Variants in HACD2 observed in about 807,000 individuals in gnomAD.
HACD2 encodes very-long-chain (3R)-3-hydroxyacyl-CoA dehydratase 2.
In HACD2, 15 loss-of-function variants were observed where a neutral mutation model predicts 31.0. The ratio of observed to expected loss-of-function variants is 0.48; its 90% CI spans 0.32 to 0.75. HACD2 has a LOEUF of 0.75. Among genes scored for constraint, HACD2 ranks in the 30% least tolerant of loss-of-function variants. The probability of loss-of-function intolerance (pLI) is 0.03; values close to 1 mark genes in which losing one functional copy is unlikely to be tolerated. For missense variants in HACD2, 283 were observed against 313.0 expected (o/e 0.90, Z 0.72); for synonymous variants, 115 against 122.2 (o/e 0.94, Z 0.39).
intron 3 of HACD2, among the ~76,000 whole-genome samples, chr3:123,537,741 A>G (rs1039105904): frequency 2.0e-5 from 3 of 152,276 alleles, no homozygotes; most frequent in African/African-American, 7.2e-5. Context: ...TGTGAAGAGA[A>G]TGCTCTCTGG....
intron 6 of HACD2, among the ~76,000 whole-genome samples, chr3:123,497,591 G>A: frequency 6.6e-6 from 1 of 152,160 alleles, no homozygotes; most frequent in East Asian, 1.9e-4. Context: ...CCTCATCAAT[G>A]TATCTTGCCC....
At chr3:123,580,149 A>G (rs1229256884) in intron 2 of HACD2, among the ~76,000 whole-genome samples, 1 of 151,450 alleles carries the variant, frequency 6.6e-6, no homozygotes, top group Non-Finnish European at 1.5e-5. Context: ...CCTGGGCAAC[A>G]GAGTAAGGCC....
chr3:123,528,574 A>G, intron 3 of HACD2, 100 bp from the exon 4 acceptor site: 2 of 771,506 alleles, frequency 2.6e-6, no homozygotes, highest in Admixed American at 4.2e-5. Flanking sequence ...TAGAGTCAAA[A>G]CGGTCTTGAG....
chr3:123,510,932 GTTTTTTTTTT>G (rs67094405), intron 4 of HACD2, among the ~76,000 whole-genome samples: 1 of 142,606 alleles, frequency 7.0e-6, no homozygotes, highest in African/African-American at 2.6e-5. Context: ...CATTTGCTGT[GTTTTTTTTTT>G]TTGTTTTTTT....
At chr3:123,523,386 C>T (rs1235496962) in intron 4 of HACD2, among the ~76,000 whole-genome samples, 1 of 152,174 alleles carries the variant, frequency 6.6e-6, no homozygotes, top group East Asian at 1.9e-4. Context: ...TGCTGGAGAC[C>T]TTGAGTTCTC....
At position 123,493,324 on chromosome 3, in the gene HACD2, C is replaced by A. The variant is rs950214644; in HGVS notation, c.*1564G>T. ...TGAGCTGAGATCGCGCCACTGCACT[C>A]CAGCCTGGGCAACAGAGCGAGACTC... On this transcript the variant is annotated 3_prime_UTR_variant, in exon 7 of 7. Transcript: ENST00000383657. 1 of 152,182 alleles carries A rather than the reference C, an allele frequency of 6.6e-6. No homozygotes were observed. Among genetic ancestry groups the A allele is most frequent in the Non-Finnish European group, 1.5e-5 (1 of 68,034 alleles). 9.4% of individuals were successfully genotyped at this position (152,182 alleles called of 1,614,324 possible). A position where few individuals can be genotyped will look rare whatever the true frequency, so the allele number is the denominator to read the frequency against.
chr3:123,506,550 C>A (rs1211468819), intron 4 of HACD2, among the ~76,000 whole-genome samples: 3 of 152,190 alleles, frequency 2.0e-5, no homozygotes, highest in Non-Finnish European at 2.9e-5. Context: ...CCACCTCAGT[C>A]TCAAGAGTAG....
chr3:123,520,792 T>C (rs150571371), intron 4 of HACD2, among the ~76,000 whole-genome samples: 12 of 152,320 alleles, frequency 7.9e-5, no homozygotes, highest in African/African-American at 2.2e-4. Context: ...CTTGACAACA[T>C]AGTTTAAACA....
intron 3 of HACD2, among the ~76,000 whole-genome samples, chr3:123,528,722 T>C (rs1210562190): frequency 6.6e-6 from 1 of 152,154 alleles, no homozygotes; most frequent in Non-Finnish European, 1.5e-5. Flanking sequence ...TTCTTAAACC[T>C]CTCAAAACCA....
intron 2 of HACD2, among the ~76,000 whole-genome samples, chr3:123,572,497 G>A (rs528400491): frequency 2.8e-4 from 42 of 152,232 alleles, no homozygotes; most frequent in Non-Finnish European, 4.9e-4. Context: ...AACAGAGCAA[G>A]ACCCTGTCTC....
intron 5 of HACD2, among the ~76,000 whole-genome samples, chr3:123,501,530 G>C (rs1282022088): frequency 2.0e-5 from 3 of 152,218 alleles, no homozygotes; most frequent in African/African-American, 7.2e-5. Context: ...AATCTCTGAA[G>C]TGGAAGGGAA....
At chr3:123,536,345 C>T (rs1166169109) in intron 3 of HACD2, among the ~76,000 whole-genome samples, 1 of 152,282 alleles carries the variant, frequency 6.6e-6, no homozygotes, top group East Asian at 1.9e-4. Context: ...GGTAATACCT[C>T]TATCAGAGCA....
At chr3:123,573,314 T>C (rs977870983) in intron 2 of HACD2, among the ~76,000 whole-genome samples, 2 of 152,212 alleles carry the variant, frequency 1.3e-5, no homozygotes, top group Non-Finnish European at 2.9e-5. Context: ...AATGAATATA[T>C]AGTACTTATT....
rs563998127 is a variant in HACD2 at position 123,585,011 on chromosome 3, G to A, written c.17C>T (p.Ala6Val). 5.2e-5 allele frequency: 79 copies of A among 1,505,014 alleles called. No homozygotes were observed. The African/African-American group carries it at 8.8e-4, about 17-fold the overall frequency. The allele number at this position is 1,505,014 out of a possible 1,614,324, so 93.2% of individuals were successfully genotyped here. MAAVA[A>V]TAAAKGNGGG... ...CCCATTCCCCTTCGCTGCTGCAGTC[G>A]CCGCCACTGCCGCCATGTCAAGTGC... Residue 6 changes from alanine to valine, a missense_variant, in exon 1 of 7, where the codon GCG becomes GTG. This residue lies in a region of HACD2 where 158 missense variants were observed against 148.3 expected (regional missense o/e 1.07). Coordinates refer to ENST00000383657, the MANE Select transcript of HACD2 (RefSeq NM_198402.5).
At chr3:123,556,183 T>C (rs2056670658) in intron 3 of HACD2, among the ~76,000 whole-genome samples, 1 of 152,036 alleles carries the variant, frequency 6.6e-6, no homozygotes, top group South Asian at 2.1e-4. Context: ...ATGCCTGTAA[T>C]TCCAGCACTT....
intron 3 of HACD2, among the ~76,000 whole-genome samples, chr3:123,528,972 C>A (rs1037274797): frequency 1.3e-5 from 2 of 150,914 alleles, no homozygotes; most frequent in East Asian, 3.9e-4. Context: ...ATTTTGCCAA[C>A]AAGCATAACA....
chr3:123,574,639 T>C (rs1369405770), intron 2 of HACD2, among the ~76,000 whole-genome samples: 1 of 152,102 alleles, frequency 6.6e-6, no homozygotes, highest in African/African-American at 2.4e-5. Flanking sequence ...TTCATCTTGT[T>C]TTCAATTACA....
At chr3:123,572,313 C>T (rs2056863339) in intron 2 of HACD2, among the ~76,000 whole-genome samples, 1 of 152,114 alleles carries the variant, frequency 6.6e-6, no homozygotes, top group Non-Finnish European at 1.5e-5. Flanking sequence ...CAAGACCAGC[C>T]TGCGCAACAC....
intron 4 of HACD2, among the ~76,000 whole-genome samples, chr3:123,526,757 T>C (rs894970602): frequency 9.8e-5 from 15 of 152,360 alleles, no homozygotes; most frequent in African/African-American, 3.6e-4. Context: ...TCCATGTACC[T>C]ATAATCCACA....
Sources: gnomAD v4.1 joint callset for allele counts (sites outside exome capture counted in the v4.1 genomes callset) on GRCh38, gnomAD v4.1.1 for gene constraint, gnomAD v4.1.1 regional missense constraint, MANE v1.5 for transcripts, NCBI Gene and HGNC (gene_info 2026-07-23, HGNC 2026-07-21) for gene names.